C2CD5: variants seen among roughly 807,000 people sequenced by gnomAD.
C2CD5 encodes the protein C2 domain-containing protein 5.
Under a neutral mutation model 130.3 loss-of-function variants are expected in C2CD5, and 109 were observed. The ratio of observed to expected loss-of-function variants is 0.84; its 90% CI spans 0.72 to 0.98. C2CD5 has a LOEUF of 0.98. C2CD5 is among the 50% of genes least tolerant of loss of function. C2CD5 has a pLI of 0.00. For missense variants in C2CD5, 996 were observed against 1,261.8 expected (o/e 0.79, Z 3.19); for synonymous variants, 454 against 429.2 (o/e 1.06, Z -0.71).
intron 2 of C2CD5, among the ~76,000 whole-genome samples, chr12:22,543,708 T>TTGTGTG (rs34060195): frequency 1.3e-3 from 181 of 141,970 alleles, no homozygotes; most frequent in African/African-American, 4.6e-3. Flanking sequence ...ATTCCGGCAT[T>TTGTGTG]TGTGTGTGTG....
At chr12:22,511,715 T>G in intron 9 of C2CD5, among the ~76,000 whole-genome samples, 1 of 152,350 alleles carries the variant, frequency 6.6e-6, no homozygotes, top group South Asian at 2.1e-4. Context: ...AATATTTTTT[T>G]CCCTTAAAGT....
chr12:22,512,575 A>G (rs1591927552), intron 9 of C2CD5: 7 of 1,094,194 alleles, frequency 6.4e-6, no homozygotes, highest in Admixed American at 3.0e-5. Flanking sequence ...AATAAAATTT[A>G]AATGACCAAG....
At chr12:22,523,696 T>G in intron 6 of C2CD5, 72 bp from the exon 7 acceptor site, 4 of 1,025,090 alleles carry the variant, frequency 3.9e-6, no homozygotes, top group Middle Eastern at 2.3e-4. Context: ...GACATGGTAG[T>G]GGTAAAAAAA....
At chr12:22,469,557 A>G (rs1942679439) in intron 22 of C2CD5, 152 bp downstream of exon 22, 2 of 480,476 alleles carry the variant, frequency 4.2e-6, no homozygotes, top group Non-Finnish European at 7.4e-6. Flanking sequence ...AGGAACATTA[A>G]TTTCTCCCCT....
At chr12:22,534,172 AG>A (rs1334282324) in intron 3 of C2CD5, among the ~76,000 whole-genome samples, 2 of 152,182 alleles carry the variant, frequency 1.3e-5, no homozygotes, top group African/African-American at 4.8e-5. Context: ...TGGGCAACAA[AG>A]CAAGACTCTG....
intron 3 of C2CD5, among the ~76,000 whole-genome samples, chr12:22,530,193 GTATA>G (rs1053003326): frequency 8.0e-6 from 1 of 124,436 alleles, no homozygotes; most frequent in Non-Finnish European, 1.5e-5. Flanking sequence ...ATACAACTGT[GTATA>G]TATATACAGT....
intron 18 of C2CD5, 98 bp from the exon 19 acceptor site, chr12:22,472,163 A>G: frequency 1.2e-6 from 1 of 850,164 alleles, no homozygotes; most frequent in Non-Finnish European, 1.9e-6. Flanking sequence ...TAACTAATGT[A>G]GTAGAATAAG....
At chr12:22,529,296 T>G (rs1289117643) in intron 3 of C2CD5, among the ~76,000 whole-genome samples, 4 of 152,194 alleles carry the variant, frequency 2.6e-5, no homozygotes, top group Non-Finnish European at 5.9e-5. Flanking sequence ...ATGTATACAT[T>G]TAACAGAAGA....
At chr12:22,466,615 A>G (rs1942123751) in intron 22 of C2CD5, among the ~76,000 whole-genome samples, 1 of 152,182 alleles carries the variant, frequency 6.6e-6, no homozygotes, top group Admixed American at 6.6e-5. Flanking sequence ...ATTTTCCAAA[A>G]CATTTTGAGA....
Position 22,525,668 on chromosome 12 carries a change from G to T in C2CD5, c.387C>A (p.Asp129Glu). Residue 129 changes from aspartate (D) to glutamate (E), a missense_variant, in exon 5 of 27, where the codon GAC becomes GAA. By Grantham distance (45) the Asp-to-Glu change is conservative. This residue lies in a region of C2CD5 where 49 missense variants were observed against 52.0 expected (regional missense o/e 0.94). Coordinates refer to ENST00000446597, the MANE Select transcript of C2CD5 (RefSeq NM_001286176.2). ...TAAATCGATTTAAATCATTGAAGAG[G>T]TCTACTTTGACAACTACATTGATTT... ...RGEINVVVKV[D>E]LFNDLNRFRQ... 1 of 1,590,860 alleles carries T rather than the reference G, an allele frequency of 6.3e-7. No individual in the cohort carries two copies. The highest frequency in any genetic ancestry group is 8.6e-7 in the Non-Finnish European group (1 of 1,159,438).
rs1175168747 is a variant in C2CD5 at position 22,449,715 on chromosome 12, G to A, written c.*45C>T. ...AGATAATTAATGACAAAATAACAGA[G>A]ATTGATGAATTTCATTTAGTTGAGC... On this transcript the variant is annotated 3_prime_UTR_variant, in exon 27 of 27. Transcript: ENST00000446597. 2 of 1,498,506 alleles carry A rather than the reference G, an allele frequency of 1.3e-6. No individual in the cohort carries two copies. The highest frequency in any genetic ancestry group is 2.8e-5 in the African/African-American group (2 of 72,642). The allele number at this position is 1,498,506 out of a possible 1,614,324, so 92.8% of individuals were successfully genotyped here. A position where few individuals can be genotyped will look rare whatever the true frequency, so the allele number is the denominator to read the frequency against.
chr12:22,509,031 C>T (rs949394351), intron 9 of C2CD5, among the ~76,000 whole-genome samples: 2 of 151,656 alleles, frequency 1.3e-5, no homozygotes, highest in East Asian at 1.9e-4. Flanking sequence ...CGCCCGCCAC[C>T]GCGCCCGGCT....
At chr12:22,477,020 T>C (rs1352586334) in intron 15 of C2CD5, among the ~76,000 whole-genome samples, 1 of 152,084 alleles carries the variant, frequency 6.6e-6, no homozygotes. Flanking sequence ...TGTTAACACA[T>C]CAACATTTGC....
chr12:22,506,855 G>A (rs774389424), intron 9 of C2CD5, 36 bp from the exon 10 acceptor site: 4 of 1,243,868 alleles, frequency 3.2e-6, no homozygotes, highest in South Asian at 1.2e-5. Flanking sequence ...ACAACTTATC[G>A]TGTGTAGAGT....
intron 10 of C2CD5, among the ~76,000 whole-genome samples, chr12:22,493,747 T>C (rs1344332681): frequency 6.6e-6 from 1 of 152,050 alleles, no homozygotes; most frequent in Non-Finnish European, 1.5e-5. Flanking sequence ...CTGATTTCAT[T>C]TCTTGGTACC....
intron 24 of C2CD5, 61 bp from the exon 25 acceptor site, chr12:22,457,222 T>C: frequency 8.5e-7 from 1 of 1,182,768 alleles, no homozygotes. Flanking sequence ...AATTATTCCC[T>C]GAGGTTTCCA....
At chr12:22,540,338 G>T (rs1347135200) in intron 2 of C2CD5, among the ~76,000 whole-genome samples, 1 of 152,116 alleles carries the variant, frequency 6.6e-6, no homozygotes, top group African/African-American at 2.4e-5. Context: ...CTAAAATCTA[G>T]AGAAAACTAG....
chr12:22,480,962 G>A (rs148816344), intron 14 of C2CD5, among the ~76,000 whole-genome samples: 74 of 152,092 alleles, frequency 4.9e-4, no homozygotes, highest in South Asian at 2.1e-4. Context: ...AAGCAGCCAC[G>A]CCTGGGTAAT....
intron 15 of C2CD5, chr12:22,477,151 A>C (rs1283173928): frequency 1.3e-5 from 2 of 152,206 alleles, no homozygotes; most frequent in Non-Finnish European, 2.9e-5. Flanking sequence ...TATTTCATTC[A>C]GTATATCCAA....
Sources: gnomAD v4.1 joint callset for allele counts (sites outside exome capture counted in the v4.1 genomes callset) on GRCh38, gnomAD v4.1.1 for gene constraint, gnomAD v4.1.1 regional missense constraint, MANE v1.5 for transcripts, NCBI Gene and HGNC (gene_info 2026-07-23, HGNC 2026-07-21) for gene names.